Variants in EFCAB7 observed in about 807,000 individuals in gnomAD.
The protein encoded by EFCAB7 is EF-hand calcium binding domain 7.
EFCAB7 carries 66 observed loss-of-function variants against 77.1 expected under a neutral mutation model. That is an observed-to-expected ratio of 0.86 (90% CI 0.70 to 1.05). EFCAB7 has a LOEUF of 1.05. EFCAB7 is among the 50% of genes least tolerant of loss of function. The pLI, the probability that EFCAB7 is intolerant of heterozygous loss-of-function variation, is 0.00. For synonymous variants in EFCAB7, 225 were observed against 243.3 expected (o/e 0.92, Z 0.70); for missense variants, 638 against 730.5 (o/e 0.87, Z 1.46).
At chr1:63,528,925 GC>G (rs1211096753) in intron 2 of EFCAB7, among the ~76,000 whole-genome samples, 1 of 151,708 alleles carries the variant, frequency 6.6e-6, no homozygotes, top group Non-Finnish European at 1.5e-5. Flanking sequence ...AAACATCTTT[GC>G]ACACTAAGCC....
chr1:63,525,495 G>T, intron 1 of EFCAB7, 77 bp from the exon 2 acceptor site: 5 of 1,171,812 alleles, frequency 4.3e-6, no homozygotes, highest in Non-Finnish European at 5.8e-6. Context: ...TCTCCTCCCT[G>T]TATTTGAAAG....
chr1:63,557,185 A>AT lies in EFCAB7; in HGVS notation c.1293dup (p.Glu432Ter), dbSNP rs1647041924. On this transcript the variant is annotated frameshift_variant, in exon 10 of 14. Transcript: ENST00000371088. LOFTEE classifies it high-confidence loss of function. ...GGTCTTCTTAGCCTTGAAGAATATA[A>AT]TTTTTTTGAATTGAGAACAAGTGGT... is the stretch of plus-strand genomic sequence containing the variant. 6 of 1,610,782 alleles carry AT rather than the reference A, an allele frequency of 3.7e-6. No homozygotes were observed. Among genetic ancestry groups the AT allele is most frequent in the South Asian group, 1.1e-5 (1 of 90,170 alleles).
At chr1:63,573,952 A>T (rs1170833804), downstream of EFCAB7, among the ~76,000 whole-genome samples, 1 of 152,182 alleles carries the variant, frequency 6.6e-6, no homozygotes, top group Admixed American at 6.5e-5. Flanking sequence ...CCGGTCAGTT[A>T]TCGGATTGTA....
At chr1:63,573,152 G>T (rs1255865244), downstream of EFCAB7, among the ~76,000 whole-genome samples, 4 of 152,110 alleles carry the variant, frequency 2.6e-5, no homozygotes, top group Non-Finnish European at 5.9e-5. Context: ...GTGTTGAAGT[G>T]TTGGGGCGGC....
chr1:63,576,060 G>T (rs993331070), downstream of EFCAB7, among the ~76,000 whole-genome samples: 1 of 151,920 alleles, frequency 6.6e-6, no homozygotes, highest in Non-Finnish European at 1.5e-5. Context: ...TAATTTCTGG[G>T]GGAAAAAAGA....
intron 12 of EFCAB7, 193 bp downstream of exon 12, chr1:63,568,712 G>T: frequency 2.2e-6 from 1 of 449,730 alleles, no homozygotes. Context: ...ATTTTTAAAG[G>T]TTTCCAATTT....
intron 8 of EFCAB7, 66 bp downstream of exon 8, chr1:63,551,900 A>T: frequency 2.0e-6 from 2 of 976,464 alleles, no homozygotes; most frequent in Non-Finnish European, 2.9e-6. Flanking sequence ...TGGGGAAAGT[A>T]TGTTTCTGTA....
intron 13 of EFCAB7, among the ~76,000 whole-genome samples, chr1:63,572,205 T>C (rs1647281995): frequency 6.6e-6 from 1 of 152,212 alleles, no homozygotes; most frequent in Admixed American, 6.5e-5. Flanking sequence ...CCACTCTTCT[T>C]TACCCACATT....
intron 6 of EFCAB7, among the ~76,000 whole-genome samples, chr1:63,545,133 G>T (rs1270907989): frequency 6.6e-6 from 1 of 151,380 alleles, no homozygotes; most frequent in Non-Finnish European, 1.5e-5. Flanking sequence ...TGGCCAGCCT[G>T]GTCTTGAACT....
chr1:63,568,400 A>G lies in EFCAB7; in HGVS notation c.1588A>G (p.Lys530Glu). 6.3e-7 allele frequency: 1 copy of G among 1,582,252 alleles called. No individual in the cohort carries two copies. Among genetic ancestry groups the G allele is most frequent in the Non-Finnish European group, 8.6e-7 (1 of 1,168,176 alleles). ...HMEACSGQLE[K>E]AICKSVLSNG... is the part of the protein sequence containing the mutation. ...GGAGGCATGTAGTGGACAACTTGAG[A>G]AGGCCATTTGTAAATCTGTTCTTAG... The change falls in exon 12 of 14, where the codon AAG becomes GAG. Residue 530 changes from lysine (K) to glutamate (E), a missense_variant. Transcript: ENST00000371088.
chr1:63,538,984 A>G (rs1177622479), intron 6 of EFCAB7, among the ~76,000 whole-genome samples: 2 of 152,158 alleles, frequency 1.3e-5, no homozygotes, highest in Non-Finnish European at 2.9e-5. Context: ...TCCATATTTA[A>G]TGTTATAGTA....
At chr1:63,539,188 G>A (rs11208238) in intron 6 of EFCAB7, among the ~76,000 whole-genome samples, 27,344 of 152,056 alleles carry the variant, frequency 0.18, 2,574 homozygotes, top group Middle Eastern at 0.26. Flanking sequence ...AAATTCTTCC[G>A]AAATCTTTGA....
At chr1:63,562,449 T>TTATATTTA (rs1647116039) in intron 11 of EFCAB7, among the ~76,000 whole-genome samples, 1 of 22,468 alleles carries the variant, frequency 4.5e-5, no homozygotes, top group Non-Finnish European at 7.5e-5. Flanking sequence ...CTTAATTTAT[T>TTATATTTA]TATATATATA....
Position 63,533,610 on chromosome 1 carries a change from A to G in EFCAB7, c.643A>G (p.Ile215Val). ...PSPVPKPSPK[I>V]TRKTDPETFL... The stretch of plus-strand genomic sequence containing the variant: ...ACCAGTACCAAAACCATCACCTAAA[A>G]TCACAAGAAAAACTGATCCAGAAAC... The change falls in exon 5 of 14, where the codon ATC (isoleucine) becomes GTC (valine). Residue 215 changes from isoleucine (I) to valine (V), a missense_variant. Ile to Val is a conservative substitution (Grantham distance 29). Transcript: ENST00000371088. 6.3e-7 allele frequency: 1 copy of G among 1,587,976 alleles called. No homozygotes were observed.
Position 63,532,666 on chromosome 1 carries a change from TCAGAGA to T in EFCAB7, c.400-3_402del. Reference sequence around the variant, plus strand: ...TTAAAATAAATCTTGTTTTTTTTTTTCAGAGAGGTGAGAAGATGACTCGAGAAGAAG... The same window carrying T: ...TTAAAATAAATCTTGTTTTTTTTTTTGGTGAGAAGATGACTCGAGAAGAAG... On this transcript the variant is annotated splice_acceptor_variant and splice_polypyrimidine_tract_variant and coding_sequence_variant and intron_variant, in exon 4 of 14. Transcript: ENST00000371088. LOFTEE classifies it high-confidence loss of function. 6.3e-7 allele frequency: 1 copy of T among 1,583,548 alleles called. No individual in the cohort carries two copies. Among genetic ancestry groups the T allele is most frequent in the Admixed American group, 2.0e-5 (1 of 50,352 alleles).
At chr1:63,574,779 G>A (rs1026703186), downstream of EFCAB7, among the ~76,000 whole-genome samples, 2 of 152,140 alleles carry the variant, frequency 1.3e-5, no homozygotes, top group African/African-American at 4.8e-5. Context: ...ACAGCATGGT[G>A]GTGCAAGATA....
At chr1:63,577,138 CAAAAA>C (rs199999557), downstream of EFCAB7, among the ~76,000 whole-genome samples, 1 of 131,286 alleles carries the variant, frequency 7.6e-6, no homozygotes, top group African/African-American at 2.7e-5. Context: ...GAGTAAGACT[CAAAAA>C]AAAAAGAGTA....
intron 8 of EFCAB7, among the ~76,000 whole-genome samples, chr1:63,554,592 G>A (rs1436791507): frequency 1.3e-5 from 2 of 152,146 alleles, no homozygotes; most frequent in Non-Finnish European, 2.9e-5. Context: ...CACCCACCTT[G>A]GCCTCCCAAA....
Position 63,532,003 on chromosome 1 carries a change from A to G in EFCAB7, c.371A>G (p.His124Arg). The G allele has an allele frequency of 6.2e-7, 1 of 1,610,590 alleles. No homozygotes were observed. The highest frequency in any genetic ancestry group is 8.5e-7 in the Non-Finnish European group (1 of 1,178,082). ...LDVNDDGCILHTDLYKFLTKR... is the reference protein window; with the variant it reads ...LDVNDDGCILRTDLYKFLTKR... ...GTAAATGATGATGGCTGTATTTTACACACTGACCTTTATAAATTTCTAACA... is the reference window on the plus strand; with the variant it reads ...GTAAATGATGATGGCTGTATTTTACGCACTGACCTTTATAAATTTCTAACA... The change falls in exon 3 of 14, where the codon CAC becomes CGC. Residue 124 changes from histidine to arginine, a missense_variant. Coordinates refer to ENST00000371088, the MANE Select transcript of EFCAB7 (RefSeq NM_032437.4).
Sources: gnomAD v4.1 joint callset for allele counts (sites outside exome capture counted in the v4.1 genomes callset) on GRCh38, gnomAD v4.1.1 for gene constraint, MANE v1.5 for transcripts, NCBI Gene and HGNC (gene_info 2026-07-23, HGNC 2026-07-21) for gene names.